Variants in REV3L observed in about 807,000 individuals in gnomAD.
REV3L encodes REV3 like, DNA directed polymerase zeta catalytic subunit, also known as DNA polymerase zeta catalytic subunit.
A neutral mutation model predicts 299.4 loss-of-function variants in REV3L; 69 were observed. That is an observed-to-expected ratio of 0.23 (90% CI 0.19 to 0.28). The LOEUF (loss-of-function observed/expected upper bound fraction) is 0.28, where lower values mean the gene tolerates loss of function less well. Ranked by LOEUF, REV3L falls within the 10% of genes least tolerant of loss-of-function variation. The probability of loss-of-function intolerance (pLI) is 1.00; values close to 1 mark genes in which losing one functional copy is unlikely to be tolerated. For missense variants in REV3L, 3,128 were observed against 3,693.8 expected (o/e 0.85, Z 3.97); for synonymous variants, 1,238 against 1,271.4 (o/e 0.97, Z 0.56).
chr6:111,374,232 A>G lies in REV3L; in HGVS notation c.4123T>C (p.Ser1375Pro), dbSNP rs758470781. The G allele has an allele frequency of 7.4e-6, 12 of 1,613,636 alleles. No homozygotes were observed. In the South Asian group the frequency reaches 1.3e-4, roughly 18 times the overall value. ...TCTATCTTTGAGGACATACCAGAAG[A>G]TATCTGTGTATTCTGTGCTACCTGA... is the stretch of plus-strand genomic sequence containing the variant. ...LSQVAQNTQI[S>P]SGMSSKIEDN... The change falls in exon 13 of 32, where the codon TCT becomes CCT. Residue 1375 changes from serine to proline, a missense_variant. Around this residue, in one of 9 missense-constraint regions of REV3L, gnomAD observed 2,409 missense variants for 2,611.8 expected, o/e 0.92. Transcript: ENST00000368802.
intron 9 of REV3L, among the ~76,000 whole-genome samples, chr6:111,385,528 G>GA (rs926194523): frequency 6.6e-6 from 1 of 152,076 alleles, no homozygotes; most frequent in Non-Finnish European, 1.5e-5. Context: ...TCAGGGTAGG[G>GA]AAGGTCTCAT....
chr6:111,381,369 G>A lies in REV3L; in HGVS notation c.1172C>T (p.Thr391Ile). 1.2e-6 allele frequency: 2 copies of A among 1,613,598 alleles called. No homozygotes were observed. The highest frequency in any genetic ancestry group is 1.7e-6 in the Non-Finnish European group (2 of 1,179,804). ...AILNLMENSQ[T>I]FQPLTQRLSE... is the part of the protein sequence containing the mutation. ...CAGTCTTTGGGTCAAAGGCTGAAAA[G>A]TCTGACTATTTTCCATAAGGTTCAA... The change falls in exon 10 of 32, where the codon ACT (threonine) becomes ATT (isoleucine). Residue 391 changes from threonine to isoleucine, a missense_variant. Coordinates refer to ENST00000368802, the MANE Select transcript of REV3L (RefSeq NM_001372078.1).
intron 1 of REV3L, among the ~76,000 whole-genome samples, chr6:111,426,686 G>A (rs1443491888): frequency 6.6e-6 from 1 of 152,180 alleles, no homozygotes; most frequent in Non-Finnish European, 1.5e-5. Context: ...TGTATCCAAA[G>A]TTCATAAGCA....
intron 1 of REV3L, among the ~76,000 whole-genome samples, chr6:111,465,362 T>C (rs963598296): frequency 6.6e-6 from 1 of 151,560 alleles, no homozygotes; most frequent in Non-Finnish European, 1.5e-5. Flanking sequence ...ATTACAGGCA[T>C]GAGCCACAGC....
At chr6:111,479,145 T>C (rs779369716) in intron 1 of REV3L, among the ~76,000 whole-genome samples, 1 of 152,232 alleles carries the variant, frequency 6.6e-6, no homozygotes, top group Non-Finnish European at 1.5e-5. Flanking sequence ...ATGATTTCAT[T>C]TGTAGTGAAT....
chr6:111,473,120 ATAAG>A (rs999633621), intron 1 of REV3L, among the ~76,000 whole-genome samples: 12 of 152,206 alleles, frequency 7.9e-5, no homozygotes, highest in Non-Finnish European at 1.2e-4. Flanking sequence ...TTCTTACTTT[ATAAG>A]TAAGTTCAAA....
Position 111,349,307 on chromosome 6 carries a change from C to T in REV3L, c.7330G>A (p.Glu2444Lys). ...DDKIENRFAA[E>K]RDEYGSYTMS... ...GTATATGATCCATACTCATCTCTTT[C>T]AGCTGCAAATCTGTTCTCAATTTTG... The change falls in exon 20 of 32, where the codon GAA becomes AAA. Residue 2444 changes from glutamate to lysine, a missense_variant. Glu to Lys is a moderately conservative substitution (Grantham distance 56). This residue lies in a region of REV3L where 50 missense variants were observed against 48.2 expected (regional missense o/e 1.04). Transcript: ENST00000368802. The T allele has an allele frequency of 6.2e-7, 1 of 1,600,256 alleles. No individual in the cohort carries two copies. The highest frequency in any genetic ancestry group is 8.5e-7 in the Non-Finnish European group (1 of 1,171,058).
chr6:111,426,434 G>A lies in REV3L; in HGVS notation c.140-9962C>T, dbSNP rs748525628. Among the ~76,000 whole-genome samples, 116 of 152,240 alleles carry A rather than the reference G, an allele frequency of 7.6e-4. 2 individuals carry two copies. The highest frequency in any genetic ancestry group is 3.4e-3 in the Middle Eastern group (1 of 294). On this transcript the variant is annotated intron_variant, in intron 1 of 31. Transcript: ENST00000368802. ...TCCTCACATCTCCCCTTTATGGAAC[G>A]GAACTAGAAGGGAATCAATTAACCC...
At chr6:111,448,782 G>A (rs2128314254) in intron 1 of REV3L, among the ~76,000 whole-genome samples, 1 of 133,006 alleles carries the variant, frequency 7.5e-6, no homozygotes, top group Admixed American at 8.4e-5. Context: ...CACCACACTT[G>A]GCTATTTTTT....
chr6:111,364,251 G>A (rs1778981741), intron 15 of REV3L, among the ~76,000 whole-genome samples: 1 of 151,964 alleles, frequency 6.6e-6, no homozygotes, highest in African/African-American at 2.4e-5. Context: ...AGTTTTGTAG[G>A]GAGTTGACAT....
chr6:111,439,073 T>C (rs1787933518), intron 1 of REV3L, among the ~76,000 whole-genome samples: 1 of 152,234 alleles, frequency 6.6e-6, no homozygotes, highest in Admixed American at 6.5e-5. Flanking sequence ...GTTTTTGCAT[T>C]GTTGGAATTT....
intron 30 of REV3L, chr6:111,309,081 A>G (rs1772662301): frequency 6.6e-6 from 1 of 152,332 alleles, no homozygotes; most frequent in African/African-American, 2.4e-5. Context: ...CTAGGGGTGA[A>G]TGTTTACAGC....
chr6:111,465,921 AAATG>A (rs1791452022), intron 1 of REV3L, among the ~76,000 whole-genome samples: 1 of 152,148 alleles, frequency 6.6e-6, no homozygotes, highest in South Asian at 2.1e-4. Flanking sequence ...AGATTTTAAG[AAATG>A]AATTAGTCTT....
chr6:111,411,977 T>C (rs1182806854), intron 2 of REV3L: 27 of 985,286 alleles, frequency 2.7e-5, no homozygotes, highest in South Asian at 4.7e-5. Flanking sequence ...TCAGCCGCCT[T>C]CTTCTGGCTC....
chr6:111,415,624 C>A (rs1784680628), intron 2 of REV3L, among the ~76,000 whole-genome samples: 1 of 152,080 alleles, frequency 6.6e-6, no homozygotes, highest in Non-Finnish European at 1.5e-5. Context: ...CCTCTCATCT[C>A]TCTCTTATCT....
At chr6:111,400,786 C>T (rs532278843) in intron 4 of REV3L, among the ~76,000 whole-genome samples, 11 of 152,056 alleles carry the variant, frequency 7.2e-5, no homozygotes, top group Non-Finnish European at 1.5e-4. Context: ...ATTGCCAAAC[C>T]CAAGACTGGG....
At chr6:111,339,720 TA>T (rs893140149) in intron 21 of REV3L, among the ~76,000 whole-genome samples, 7 of 152,160 alleles carry the variant, frequency 4.6e-5, no homozygotes, top group African/African-American at 9.6e-5. Context: ...ATGGCTAATT[TA>T]AAAAAATGTA....
At chr6:111,363,802 A>G (rs189493392) in intron 16 of REV3L, 51 bp downstream of exon 16, 2 of 1,574,756 alleles carry the variant, frequency 1.3e-6, no homozygotes, top group Non-Finnish European at 1.7e-6. Context: ...ATAGAATAAA[A>G]CAGGAGTTAA....
chr6:111,384,126 C>T (rs953280438), intron 9 of REV3L, among the ~76,000 whole-genome samples: 1 of 152,104 alleles, frequency 6.6e-6, no homozygotes, highest in African/African-American at 2.4e-5. Context: ...AGACTTAAAT[C>T]TAAGACTCAA....
Sources: gnomAD v4.1 joint callset for allele counts (sites outside exome capture counted in the v4.1 genomes callset) on GRCh38, gnomAD v4.1.1 for gene constraint, gnomAD v4.1.1 regional missense constraint, MANE v1.5 for transcripts, NCBI Gene and HGNC (gene_info 2026-07-23, HGNC 2026-07-21) for gene names.